Variants in DPP10 observed in about 807,000 individuals in gnomAD.
The protein encoded by DPP10 is dipeptidyl peptidase like 10.
A neutral mutation model predicts 120.9 loss-of-function variants in DPP10; 33 were observed. That is an observed-to-expected ratio of 0.27 (90% confidence interval 0.21 to 0.37). The LOEUF (loss-of-function observed/expected upper bound fraction) is 0.37. Ranked by LOEUF, DPP10 falls within the 10% of genes least tolerant of loss-of-function variation. DPP10 has a pLI of 1.00. For synonymous variants in DPP10, 337 were observed against 326.1 expected (o/e 1.03, Z -0.36); for missense variants, 816 against 942.8 (o/e 0.87, Z 1.76).
intron 1 of DPP10, among the ~76,000 whole-genome samples, chr2:114,809,465 AG>A (rs1685002688): frequency 6.6e-6 from 1 of 152,236 alleles, no homozygotes; most frequent in South Asian, 2.1e-4. Context: ...CTTCGATAAA[AG>A]TAGTCGATGC....
intron 3 of DPP10, among the ~76,000 whole-genome samples, chr2:115,474,827 G>A (rs983027009): frequency 3.3e-5 from 5 of 152,030 alleles, no homozygotes; most frequent in African/African-American, 1.2e-4. Flanking sequence ...CCAAGACAAT[G>A]GGGAAAGAGC....
chr2:115,452,249 G>T (rs1026814022), intron 3 of DPP10, among the ~76,000 whole-genome samples: 16 of 151,954 alleles, frequency 1.1e-4, no homozygotes, highest in Non-Finnish European at 2.4e-4. Context: ...ATTACATGAG[G>T]ACATCTGAAT....
At chr2:115,289,957 AC>A (rs1335581152) in intron 1 of DPP10, among the ~76,000 whole-genome samples, 1 of 152,164 alleles carries the variant, frequency 6.6e-6, no homozygotes. Flanking sequence ...TATGCCTGAG[AC>A]CCCAAAAGCA....
At chr2:115,692,344 A>G (rs1047703733) in intron 7 of DPP10, among the ~76,000 whole-genome samples, 1 of 151,968 alleles carries the variant, frequency 6.6e-6, no homozygotes, top group Non-Finnish European at 1.5e-5. Flanking sequence ...ACAATGTTCT[A>G]TATGTGCCTA....
At position 115,150,115 on chromosome 2, in the gene DPP10, A is replaced by G. The variant is rs186858339; in HGVS notation, c.61-159124A>G. On this transcript the variant is annotated intron_variant, in intron 1 of 25. Transcript: ENST00000410059. ...TAGAAAGAGTCTCAAACTGTAGTTCAGGTCTAAGAAATATTTAGGAGGGTT... is the reference window on the plus strand; with the variant it reads ...TAGAAAGAGTCTCAAACTGTAGTTCGGGTCTAAGAAATATTTAGGAGGGTT... 1.8e-4 allele frequency among the ~76,000 whole-genome samples: 27 copies of G among 152,320 alleles called. No homozygotes were observed. In the East Asian group the frequency reaches 5.0e-3, roughly 28 times the overall value.
At chr2:114,584,550 C>T (rs1207647196) in intron 1 of DPP10, among the ~76,000 whole-genome samples, 1 of 111,432 alleles carries the variant, frequency 9.0e-6, no homozygotes, top group African/African-American at 3.5e-5. Context: ...CCCCCCTCCC[C>T]CCACCCCACA....
At chr2:115,365,645 G>A (rs576743281) in intron 3 of DPP10, among the ~76,000 whole-genome samples, 10 of 151,982 alleles carry the variant, frequency 6.6e-5, no homozygotes, top group Non-Finnish European at 1.0e-4. Flanking sequence ...ACCAGAAAGC[G>A]TTTTAGAGAG....
At position 114,453,178 on chromosome 2, in the gene DPP10, CAT is replaced by C. The variant is rs1157216137; in HGVS notation, c.60+10344_60+10345del. 2.2e-4 allele frequency among the ~76,000 whole-genome samples: 33 copies of C among 152,050 alleles called. 1 individual carries two copies. Among genetic ancestry groups the C allele is most frequent in the African/African-American group, 7.5e-4 (31 of 41,416 alleles). On this transcript the variant is annotated intron_variant, in intron 1 of 25. Transcript: ENST00000410059. ...AAAATAGATTTTAGAATCTGACAGACATATAAGTTGCACCACACTGTGAAAAA... is the reference window on the plus strand; with the variant it reads ...AAAATAGATTTTAGAATCTGACAGACATAAGTTGCACCACACTGTGAAAAA...
intron 1 of DPP10, among the ~76,000 whole-genome samples, chr2:114,613,721 A>C (rs1693458472): frequency 6.6e-6 from 1 of 152,222 alleles, no homozygotes; most frequent in Non-Finnish European, 1.5e-5. Flanking sequence ...ACCAACCCAA[A>C]TGCCCATCAA....
intron 1 of DPP10, among the ~76,000 whole-genome samples, chr2:115,269,066 G>T (rs1559341286): frequency 6.6e-6 from 1 of 152,204 alleles, no homozygotes; most frequent in Admixed American, 6.5e-5. Flanking sequence ...AGAATCACTT[G>T]AACCCGGGAG....
chr2:114,656,081 T>C (rs554145782), intron 1 of DPP10, among the ~76,000 whole-genome samples: 5 of 152,308 alleles, frequency 3.3e-5, no homozygotes, highest in Admixed American at 3.3e-4. Context: ...AGATTCAATG[T>C]TATTTGCATA....
chr2:115,407,881 G>A (rs1320177268), intron 3 of DPP10, among the ~76,000 whole-genome samples: 1 of 149,552 alleles, frequency 6.7e-6, no homozygotes, highest in Non-Finnish European at 1.5e-5. Context: ...GAAAAAAAAA[G>A]TAGTCATTTT....
chr2:115,762,541 A>G (rs1260985405), intron 11 of DPP10, 31 bp from the exon 12 acceptor site: 1 of 1,613,038 alleles, frequency 6.2e-7, no homozygotes, highest in Non-Finnish European at 8.5e-7. Flanking sequence ...TGGTCTTTAG[A>G]TGCTTCATGG....
rs572802229 is a variant in DPP10, at chr2:114,813,282, A to G, written c.60+370444A>G. Among the ~76,000 whole-genome samples the G allele has an allele frequency of 2.0e-5, 3 of 152,330 alleles. No homozygotes were observed. The East Asian group carries it at 5.8e-4, about 29-fold the overall frequency. ...TATATAGGAAGGAAGGAATTAACAAACTGGCTATAAACATATTTGATTCTC... is the reference window on the plus strand; with the variant it reads ...TATATAGGAAGGAAGGAATTAACAAGCTGGCTATAAACATATTTGATTCTC... On this transcript the variant is annotated intron_variant, in intron 1 of 25. Coordinates refer to ENST00000410059, the MANE Select transcript of DPP10 (RefSeq NM_020868.6).
intron 5 of DPP10, among the ~76,000 whole-genome samples, chr2:115,650,779 T>A (rs1240355780): frequency 1.3e-5 from 2 of 151,802 alleles, no homozygotes; most frequent in Non-Finnish European, 2.9e-5. Flanking sequence ...GTCTTTGTCT[T>A]CCAGTAGCAT....
intron 5 of DPP10, among the ~76,000 whole-genome samples, chr2:115,673,080 C>A (rs937663574): frequency 1.3e-5 from 2 of 152,038 alleles, no homozygotes; most frequent in South Asian, 2.1e-4. Context: ...AGTAGTTATG[C>A]AGTTATATAT....
At chr2:115,696,617 C>T (rs142848615) in intron 7 of DPP10, among the ~76,000 whole-genome samples, 48 of 152,188 alleles carry the variant, frequency 3.2e-4, no homozygotes, top group Non-Finnish European at 6.6e-4. Flanking sequence ...AGTGGGAGTC[C>T]AGCAGGTTGA....
At chr2:114,896,793 A>G (rs1344210191) in intron 1 of DPP10, among the ~76,000 whole-genome samples, 1 of 152,164 alleles carries the variant, frequency 6.6e-6, no homozygotes, top group Non-Finnish European at 1.5e-5. Flanking sequence ...GTGGTGAGAG[A>G]GGGCATCCCT....
intron 1 of DPP10, among the ~76,000 whole-genome samples, chr2:115,244,834 CAT>C (rs535050279): frequency 0.012 from 1,682 of 143,392 alleles, 29 homozygotes; most frequent in African/African-American, 0.041. Context: ...TATGTATGCA[CAT>C]ATATATATAC....
Sources: gnomAD v4.1 joint callset for allele counts (sites outside exome capture counted in the v4.1 genomes callset) on GRCh38, gnomAD v4.1.1 for gene constraint, MANE v1.5 for transcripts, NCBI Gene and HGNC (gene_info 2026-07-23, HGNC 2026-07-21) for gene names.